CFAP69: variants seen among roughly 807,000 people sequenced by gnomAD.
The protein encoded by CFAP69 is cilia- and flagella-associated protein 69.
In CFAP69, 92 loss-of-function variants were observed where a neutral mutation model predicts 123.0. The observed-to-expected ratio is 0.75, with a 90% confidence interval of 0.63 to 0.89. The LOEUF (loss-of-function observed/expected upper bound fraction) is 0.89. Among genes scored for constraint, CFAP69 ranks in the 40% least tolerant of loss-of-function variants. The pLI, the probability that CFAP69 is intolerant of heterozygous loss-of-function variation, is 0.00. For missense variants in CFAP69, 1,067 were observed against 1,096.9 expected (o/e 0.97, Z 0.39); for synonymous variants, 380 against 364.3 (o/e 1.04, Z -0.49).
At position 90,295,926 on chromosome 7, in the gene CFAP69, T is replaced by C. The variant is rs17865172; in HGVS notation, c.1776-1823T>C. Among the ~76,000 whole-genome samples the C allele has an allele frequency of 4.9e-3, 748 of 152,322 alleles. 5 individuals are homozygous for C. Among genetic ancestry groups the C allele is most frequent in the African/African-American group, 0.017 (717 of 41,568 alleles). The stretch of plus-strand genomic sequence containing the variant: ...GCTGGTGGGAGTGTAGCAGTGAGGA[T>C]GACCGGAGGTCACTTTTGTCAGCAT... On this transcript the variant is annotated intron_variant, in intron 15 of 22. Coordinates refer to ENST00000389297, the MANE Select transcript of CFAP69 (RefSeq NM_001039706.3).
At chr7:90,290,095 G>A (rs966656147) in intron 15 of CFAP69, among the ~76,000 whole-genome samples, 1 of 152,068 alleles carries the variant, frequency 6.6e-6, no homozygotes, top group Non-Finnish European at 1.5e-5. Context: ...CTGACCCCTT[G>A]CATTTGGATA....
chr7:90,279,982 T>A, intron 12 of CFAP69, 89 bp downstream of exon 12: 1 of 980,134 alleles, frequency 1.0e-6, no homozygotes, highest in Non-Finnish European at 1.4e-6. Context: ...ACAATGAAGT[T>A]AATTAAAGCA....
rs1370248452 is a variant in CFAP69, at chr7:90,300,008, AAGG to A, written c.2004_2006del (p.Glu669del). The A allele has an allele frequency of 3.7e-6, 6 of 1,609,496 alleles. No individual in the cohort carries two copies. The highest frequency in any genetic ancestry group is 5.1e-6 in the Non-Finnish European group (6 of 1,178,322). ...TAGTCTTTTAATTAAATTGTGGAGA[AAGG>A]AGGAAAAAGAACTAGGAGTAAAACG... On this transcript the variant is annotated inframe_deletion, in exon 17 of 23. Coordinates refer to ENST00000389297, the MANE Select transcript of CFAP69 (RefSeq NM_001039706.3).
At chr7:90,277,958 A>T (rs1788852975) in intron 11 of CFAP69, among the ~76,000 whole-genome samples, 1 of 152,094 alleles carries the variant, frequency 6.6e-6, no homozygotes. Context: ...ATAATGCTTC[A>T]GCTCTGCTCA....
chr7:90,311,909 T>G (rs771343848), downstream of CFAP69, among the ~76,000 whole-genome samples: 14 of 152,164 alleles, frequency 9.2e-5, no homozygotes, highest in Non-Finnish European at 1.8e-4. Flanking sequence ...ATAATTTGTT[T>G]CTTTCCTTCA....
intron 17 of CFAP69, chr7:90,303,025 TC>T (rs1793045343): frequency 6.6e-6 from 1 of 152,138 alleles, no homozygotes; most frequent in African/African-American, 2.4e-5. Context: ...ATCATAGAGG[TC>T]TTTTGGCTCC....
At chr7:90,262,159 C>A in intron 4 of CFAP69, 103 bp downstream of exon 4, 1 of 691,556 alleles carries the variant, frequency 1.4e-6, no homozygotes, top group Non-Finnish European at 2.3e-6. Context: ...CAGATTGCTA[C>A]AGAACTCAGA....
At chr7:90,292,709 C>T (rs534098546) in intron 15 of CFAP69, among the ~76,000 whole-genome samples, 13 of 151,836 alleles carry the variant, frequency 8.6e-5, no homozygotes, top group South Asian at 2.1e-4. Context: ...TGACTCTGGG[C>T]GGAAAAAAGG....
At chr7:90,291,073 G>A (rs757617637) in intron 15 of CFAP69, among the ~76,000 whole-genome samples, 24 of 152,080 alleles carry the variant, frequency 1.6e-4, no homozygotes, top group Non-Finnish European at 3.1e-4. Flanking sequence ...GATCCAGACC[G>A]AAAGAGAGGG....
In CFAP69 at chr7:90,271,623, A is replaced by C; in HGVS notation, c.630A>C (p.Gln210His). Residue 210 changes from glutamine (Q) to histidine (H), a missense_variant, in exon 7 of 23, where the codon CAA becomes CAC. By Grantham distance (24) the Gln-to-His change is conservative (BLOSUM62 0). Coordinates refer to ENST00000389297, the MANE Select transcript of CFAP69 (RefSeq NM_001039706.3). ...MVQSMTLLEN[Q>H]LVEKLWVLKV... ...AGTCAATGACCTTGCTTGAAAATCA[A>C]CTTGTTGAGAAACTTTGGGTACTTA... The C allele has an allele frequency of 1.2e-6, 2 of 1,613,726 alleles. No individual in the cohort carries two copies. Among genetic ancestry groups the C allele is most frequent in the Non-Finnish European group, 1.7e-6 (2 of 1,179,702 alleles).
intron 15 of CFAP69, among the ~76,000 whole-genome samples, chr7:90,293,972 G>A (rs1388510088): frequency 2.0e-5 from 3 of 152,098 alleles, no homozygotes; most frequent in South Asian, 2.1e-4. Flanking sequence ...ATCCTTTCAC[G>A]ACTTACATAG....
At chr7:90,308,525 G>T (rs1409736327) in intron 21 of CFAP69, among the ~76,000 whole-genome samples, 1 of 152,010 alleles carries the variant, frequency 6.6e-6, no homozygotes, top group Admixed American at 6.6e-5. Flanking sequence ...TTTACCTAAT[G>T]TTTCAATACT....
chr7:90,289,175 T>C (rs1790734999), intron 15 of CFAP69, among the ~76,000 whole-genome samples: 1 of 152,038 alleles, frequency 6.6e-6, no homozygotes, highest in Non-Finnish European at 1.5e-5. Context: ...TACACCTAGA[T>C]GTAAAAATGC....
intron 14 of CFAP69, 104 bp from the exon 15 acceptor site, chr7:90,288,130 G>A (rs1790572301): frequency 1.2e-6 from 1 of 802,840 alleles, no homozygotes; most frequent in East Asian, 2.7e-5. Context: ...CAATGTTGCT[G>A]TATTTCTCTG....
In CFAP69 at chr7:90,310,007, T is replaced by G. The variant is rs1235094134; in HGVS notation, c.2656-61T>G. On this transcript the variant is annotated intron_variant, in intron 22 of 22. Coordinates refer to ENST00000389297, the MANE Select transcript of CFAP69 (RefSeq NM_001039706.3). Reference sequence around the variant, plus strand: ...AAAAGTAAGCTGAAGGATGAATGAGTTTTTCTCTTGTTGAAAATTGTGTAA... The same window carrying G: ...AAAAGTAAGCTGAAGGATGAATGAGGTTTTCTCTTGTTGAAAATTGTGTAA... The G allele has an allele frequency of 1.2e-5, 17 of 1,408,456 alleles. No individual in the cohort carries two copies. In the Admixed American group the frequency reaches 3.3e-4, roughly 27 times the overall value. 87.2% of individuals were successfully genotyped at this position (1,408,456 alleles called of 1,614,324 possible). A position where few individuals can be genotyped will look rare whatever the true frequency, so the allele number is the denominator to read the frequency against.
chr7:90,306,626 G>C (rs1330537889), intron 19 of CFAP69, among the ~76,000 whole-genome samples: 2 of 152,208 alleles, frequency 1.3e-5, no homozygotes, highest in Non-Finnish European at 2.9e-5. Context: ...CTATAAACTA[G>C]AGGGCAGTGA....
chr7:90,303,420 A>G (rs1365324247), intron 17 of CFAP69: 2 of 297,566 alleles, frequency 6.7e-6, no homozygotes, highest in African/African-American at 4.6e-5. Context: ...GCTTTTCTCC[A>G]TTCCATATAA....
At chr7:90,290,090 C>T (rs1182419342) in intron 15 of CFAP69, among the ~76,000 whole-genome samples, 1 of 152,006 alleles carries the variant, frequency 6.6e-6, no homozygotes, top group Non-Finnish European at 1.5e-5. Context: ...TTTTGCTGAC[C>T]CCTTGCATTT....
At chr7:90,260,969 G>A (rs1009906356) in intron 3 of CFAP69, among the ~76,000 whole-genome samples, 1 of 152,080 alleles carries the variant, frequency 6.6e-6, no homozygotes, top group African/African-American at 2.4e-5. Flanking sequence ...TTCCTAAAAG[G>A]TCCTAGAAAA....
Sources: allele counts gnomAD v4.1 joint callset (sites outside exome capture counted in the v4.1 genomes callset), GRCh38; gene constraint gnomAD v4.1.1; transcripts MANE v1.5; gene names NCBI Gene and HGNC (gene_info 2026-07-23, HGNC 2026-07-21).